The following SVOPL variants were observed in gnomAD, a reference collection of about 807,000 sequenced individuals.
The protein encoded by SVOPL is SVOP like.
SVOPL carries 60 observed loss-of-function variants against 61.0 expected under a neutral mutation model. That is an observed-to-expected ratio of 0.98 (90% CI 0.80 to 1.22). SVOPL has a LOEUF of 1.22. Ranked by LOEUF, SVOPL falls within the 50% of genes most tolerant of loss-of-function variation. The pLI, the probability that SVOPL is intolerant of heterozygous loss-of-function variation, is 0.00. For missense variants in SVOPL, 662 were observed against 643.9 expected (o/e 1.03, Z -0.30); for synonymous variants, 279 against 250.0 (o/e 1.12, Z -1.09).
At chr7:138,599,906 G>GA (rs942122285) in intron 14 of SVOPL, among the ~76,000 whole-genome samples, 1 of 146,134 alleles carries the variant, frequency 6.8e-6, no homozygotes, top group Admixed American at 6.8e-5. Context: ...AAAAAAAAAG[G>GA]AAAAAAAATC....
In SVOPL at chr7:138,663,160, G is replaced by A. The variant is rs776508035; in HGVS notation, c.274-15C>T. 5.6e-6 allele frequency: 9 copies of A among 1,611,294 alleles called. No individual in the cohort carries two copies. Among genetic ancestry groups the A allele is most frequent in the South Asian group, 5.5e-5 (5 of 90,334 alleles). ...AAAAACACCATCTGCAAGTGGGAGC[G>A]AGATAAAACGGTTCTCTAAGCAGGT... On this transcript the variant is annotated splice_polypyrimidine_tract_variant and intron_variant, in intron 4 of 15. Transcript: ENST00000674285.
At chr7:138,604,945 G>C (rs1798686907) in intron 14 of SVOPL, among the ~76,000 whole-genome samples, 1 of 151,878 alleles carries the variant, frequency 6.6e-6, no homozygotes. Context: ...GTTGGGTGTA[G>C]TGGTGCATAA....
At chr7:138,647,681 T>C (rs1274090772) in intron 8 of SVOPL, among the ~76,000 whole-genome samples, 2 of 151,776 alleles carry the variant, frequency 1.3e-5, no homozygotes. Flanking sequence ...AAACCCCATC[T>C]CTACTAAAAT....
At chr7:138,680,778 C>A (rs147830159) in intron 1 of SVOPL, among the ~76,000 whole-genome samples, 1 of 152,068 alleles carries the variant, frequency 6.6e-6, no homozygotes, top group East Asian at 1.9e-4. Flanking sequence ...CGGAGTTTCA[C>A]CGTGTTAGCC....
intron 4 of SVOPL, 109 bp from the exon 5 acceptor site, chr7:138,663,254 G>A (rs73164680): frequency 0.057 from 87,297 of 1,529,058 alleles, 2,849 homozygotes; most frequent in Middle Eastern, 0.079. Context: ...AGGGATGGAA[G>A]TTAATTTAAA....
At chr7:138,608,927 T>G (rs1190912014) in intron 14 of SVOPL, among the ~76,000 whole-genome samples, 1 of 152,148 alleles carries the variant, frequency 6.6e-6, no homozygotes, top group South Asian at 2.1e-4. Context: ...TCAGAAAAAC[T>G]GCTAAAAATC....
Position 138,627,560 on chromosome 7 carries a change from C to T in SVOPL, c.1070-99G>A. On this transcript the variant is annotated intron_variant, in intron 11 of 15. Transcript: ENST00000674285. Reference sequence around the variant, plus strand: ...TCATCCTTGTCGTTTCAGAAAGAAGCAACTTCATCCAAACCTCACGAGTAT... The same window carrying T: ...TCATCCTTGTCGTTTCAGAAAGAAGTAACTTCATCCAAACCTCACGAGTAT... The T allele has an allele frequency of 1.3e-5, 11 of 835,326 alleles. No individual in the cohort carries two copies. In the South Asian group the frequency reaches 1.7e-4, roughly 13 times the overall value. 51.7% of individuals were successfully genotyped at this position (835,326 alleles called of 1,614,324 possible).
At chr7:138,659,254 G>A (rs1186525389) in intron 6 of SVOPL, among the ~76,000 whole-genome samples, 1 of 152,130 alleles carries the variant, frequency 6.6e-6, no homozygotes, top group Non-Finnish European at 1.5e-5. Context: ...CACTTAGGGA[G>A]GCCAAGGCGG....
At chr7:138,629,145 G>A (rs908725401) in intron 10 of SVOPL, among the ~76,000 whole-genome samples, 1 of 102,292 alleles carries the variant, frequency 9.8e-6, no homozygotes, top group Non-Finnish European at 2.1e-5. Flanking sequence ...GTGTGTGTGT[G>A]TGTGTGTGTA....
At chr7:138,630,622 T>G (rs73465667) in intron 9 of SVOPL, among the ~76,000 whole-genome samples, 1 of 152,148 alleles carries the variant, frequency 6.6e-6, no homozygotes. Context: ...TTGTCCATAG[T>G]ACCTATTGAA....
At chr7:138,613,997 C>G (rs1799171626) in intron 14 of SVOPL, among the ~76,000 whole-genome samples, 2 of 152,176 alleles carry the variant, frequency 1.3e-5, no homozygotes, top group Non-Finnish European at 2.9e-5. Flanking sequence ...TTATTGATTA[C>G]TGCAAATAAA....
At position 138,678,973 on chromosome 7, in the gene SVOPL, G is replaced by C. The variant is rs1329417281; in HGVS notation, c.73C>G (p.Gln25Glu). The change falls in exon 2 of 16, where the codon CAG becomes GAG. Residue 25 changes from glutamine to glutamate, a missense_variant. By Grantham distance (29) the Gln-to-Glu change is conservative (BLOSUM62 2). Transcript: ENST00000674285. The stretch of plus-strand genomic sequence containing the variant: ...TCTATGATAATCTCACCTTTAACCT[G>C]TGGCTCTGCGGTCCCCAGGCTCAAT... Reference protein sequence around the residue: ...RKLSLGTAEPQVKEPKTFTVE... With the variant: ...RKLSLGTAEPEVKEPKTFTVE... The C allele has an allele frequency of 6.4e-7, 1 of 1,551,580 alleles. No individual in the cohort carries two copies. The highest frequency in any genetic ancestry group is 1.4e-5 in the African/African-American group (1 of 73,160).
intron 1 of SVOPL, among the ~76,000 whole-genome samples, chr7:138,690,948 T>G (rs1487105867): frequency 6.6e-6 from 1 of 152,114 alleles, no homozygotes; most frequent in Non-Finnish European, 1.5e-5. Flanking sequence ...AATTTTTTTG[T>G]AATTTTACTA....
At chr7:138,622,427 TG>T (rs1799711822) in intron 13 of SVOPL, among the ~76,000 whole-genome samples, 2 of 151,844 alleles carry the variant, frequency 1.3e-5, no homozygotes, top group Non-Finnish European at 2.9e-5. Context: ...CCCAAGTAGC[TG>T]GGATTACAGG....
chr7:138,656,421 G>A (rs1425499767), intron 7 of SVOPL, 27 bp downstream of exon 7: 7 of 1,611,628 alleles, frequency 4.3e-6, no homozygotes, highest in Non-Finnish European at 5.9e-6. Context: ...GATGCCAAAG[G>A]CAGGTAGAAC....
Position 138,627,334 on chromosome 7 carries a change from AT to A in SVOPL, c.1181+15del. On this transcript the variant is annotated intron_variant, in intron 12 of 15. Coordinates refer to ENST00000674285, the MANE Select transcript of SVOPL (RefSeq NM_001139456.2). ...AAACCACTGCACAAAATCTGAAGCAATTAAACAGAAAATACCTTGAAGTGCA... is the reference window on the plus strand; with the variant it reads ...AAACCACTGCACAAAATCTGAAGCAATAAACAGAAAATACCTTGAAGTGCA... 1 of 1,592,948 alleles carries A rather than the reference AT, an allele frequency of 6.3e-7. No individual in the cohort carries two copies. Among genetic ancestry groups the A allele is most frequent in the Non-Finnish European group, 8.6e-7 (1 of 1,161,156 alleles).
At position 138,637,479 on chromosome 7, in the gene SVOPL, TAGATATAG is replaced by T. The variant is rs1563108847; in HGVS notation, c.789+7230_789+7237del. Among the ~76,000 whole-genome samples the T allele has an allele frequency of 7.4e-3, 126 of 17,014 alleles. 1 individual carries two copies. Among genetic ancestry groups the T allele is most frequent in the Admixed American group, 0.012 (15 of 1,250 alleles). 11.2% of individuals were successfully genotyped at this position (17,014 alleles called of 152,430 possible). On this transcript the variant is annotated intron_variant, in intron 9 of 15. Transcript: ENST00000674285. ...AGATATATATATATAGATATAGATATAGATATAGATAGATATATATATATATATATAGA... is the reference window on the plus strand; with the variant it reads ...AGATATATATATATAGATATAGATATATAGATATATATATATATATATAGA...
intron 1 of SVOPL, chr7:138,689,391 C>T: frequency 6.7e-7 from 1 of 1,488,960 alleles, no homozygotes; most frequent in South Asian, 1.1e-5. Flanking sequence ...TCGGATTTAC[C>T]CATGCATGAG....
chr7:138,611,392 CCAAAA>C (rs113839524), intron 14 of SVOPL, among the ~76,000 whole-genome samples: 16,373 of 151,484 alleles, frequency 0.11, 1,286 homozygotes, highest in African/African-American at 0.22. Flanking sequence ...ACCCCCAACC[CCAAAA>C]CAAAACAAAA....
Sources: allele counts gnomAD v4.1 joint callset (sites outside exome capture counted in the v4.1 genomes callset), GRCh38; gene constraint gnomAD v4.1.1; transcripts MANE v1.5; gene names NCBI Gene and HGNC (gene_info 2026-07-23, HGNC 2026-07-21).